CFAP263: variants seen among roughly 807,000 people sequenced by gnomAD.
CFAP263 encodes cilia- and flagella-associated protein 263.
chr16:58,250,524 G>A, the CFAP263 span: 2 of 157,612 alleles, frequency 1.3e-5, no homozygotes, highest in Admixed American at 6.3e-5. Flanking sequence ...CAGCACTTTA[G>A]GAGGCCGAGG....
At chr16:58,268,042 G>GAA in the CFAP263 span, among the ~76,000 whole-genome samples, 2 of 71,342 alleles carry the variant, frequency 2.8e-5, no homozygotes, top group African/African-American at 1.8e-4. Context: ...AGAGAGAGAG[G>GAA]AAGAGAGAGA....
chr16:58,267,879 T>C, the CFAP263 span, among the ~76,000 whole-genome samples: 1 of 152,112 alleles, frequency 6.6e-6, no homozygotes, highest in East Asian at 1.9e-4. Context: ...TAAAGTACAA[T>C]ATTCGATGTT....
the CFAP263 span, among the ~76,000 whole-genome samples, chr16:58,273,206 T>G: frequency 6.6e-6 from 1 of 152,256 alleles, no homozygotes; most frequent in Non-Finnish European, 1.5e-5. Context: ...GCCCTTTGTA[T>G]GTGTAGCTTA....
chr16:58,257,010 A>ATTTTTTT, the CFAP263 span, among the ~76,000 whole-genome samples: 2 of 50,188 alleles, frequency 4.0e-5, no homozygotes, highest in African/African-American at 9.4e-5. Context: ...GCATATATGA[A>ATTTTTTT]TTTCTTTTTT....
At chr16:58,272,932 T>G in the CFAP263 span, among the ~76,000 whole-genome samples, 1 of 152,338 alleles carries the variant, frequency 6.6e-6, no homozygotes, top group African/African-American at 2.4e-5. Context: ...GTGTGTTGAT[T>G]GTTTGCTTTC....
chr16:58,268,043 AAGAG>A, the CFAP263 span, among the ~76,000 whole-genome samples: 17 of 92,242 alleles, frequency 1.8e-4, no homozygotes, highest in African/African-American at 8.1e-4. Flanking sequence ...GAGAGAGAGG[AAGAG>A]AGAGAGAGAG....
the CFAP263 span, chr16:58,262,561 C>T: frequency 1.1e-5 from 17 of 1,579,960 alleles, no homozygotes; most frequent in East Asian, 2.3e-5. Flanking sequence ...CCCTGATACC[C>T]AGGGCTCCCC....
At chr16:58,278,314 G>T in the CFAP263 span, among the ~76,000 whole-genome samples, 1 of 152,098 alleles carries the variant, frequency 6.6e-6, no homozygotes, top group African/African-American at 2.4e-5. Flanking sequence ...ATATGTTTGG[G>T]AAAAAAATCA....
the CFAP263 span, among the ~76,000 whole-genome samples, chr16:58,277,294 C>T: frequency 2.0e-5 from 3 of 151,978 alleles, no homozygotes; most frequent in Non-Finnish European, 4.4e-5. Flanking sequence ...ATGCCCGACT[C>T]AGTTTTGTAT....
chr16:58,279,369 G>C, the CFAP263 span, among the ~76,000 whole-genome samples: 1 of 152,202 alleles, frequency 6.6e-6, no homozygotes, highest in South Asian at 2.1e-4. Context: ...TTTTGCAGCA[G>C]AGAGTAAATT....
chr16:58,277,932 G>A, the CFAP263 span, among the ~76,000 whole-genome samples: 4 of 152,264 alleles, frequency 2.6e-5, 1 homozygote, highest in South Asian at 8.3e-4. Flanking sequence ...GAGGAGGGAA[G>A]GAGGAGTGAT....
the CFAP263 span, among the ~76,000 whole-genome samples, chr16:58,267,029 C>A: frequency 6.6e-6 from 1 of 152,176 alleles, no homozygotes. Context: ...GTAGCACCCA[C>A]CTCATGAGGA....
At chr16:58,260,798 C>T in the CFAP263 span, among the ~76,000 whole-genome samples, 4 of 152,160 alleles carry the variant, frequency 2.6e-5, no homozygotes, top group African/African-American at 9.7e-5. Context: ...GCTTGAGTCA[C>T]TCGGGATCCA....
the CFAP263 span, among the ~76,000 whole-genome samples, chr16:58,277,848 C>T: frequency 0.11 from 16,490 of 152,046 alleles, 1,011 homozygotes; most frequent in Admixed American, 0.13. Flanking sequence ...TGTTTGATTC[C>T]GCTTATATGA....
At chr16:58,255,167 C>CTT in the CFAP263 span, among the ~76,000 whole-genome samples, 1 of 152,184 alleles carries the variant, frequency 6.6e-6, no homozygotes, top group Non-Finnish European at 1.5e-5. Flanking sequence ...CGGTCCGTGG[C>CTT]CGAAGGCCCT....
chr16:58,272,414 A>G, the CFAP263 span, among the ~76,000 whole-genome samples: 1 of 152,204 alleles, frequency 6.6e-6, no homozygotes, highest in South Asian at 2.1e-4. Context: ...CAATGTCATC[A>G]TTGTGTGAAC....
the CFAP263 span, among the ~76,000 whole-genome samples, chr16:58,269,551 C>T: frequency 6.6e-6 from 1 of 152,150 alleles, no homozygotes; most frequent in African/African-American, 2.4e-5. Flanking sequence ...GTGGATTTGC[C>T]TATTCTGGAC....
At chr16:58,280,409 C>CA in the CFAP263 span, 1 of 1,614,204 alleles carries the variant, frequency 6.2e-7, no homozygotes, top group Admixed American at 1.7e-5. Flanking sequence ...TTCTCCCTAA[C>CA]ATCTAGACTA....
the CFAP263 span, chr16:58,250,127 C>T: frequency 1.3e-6 from 2 of 1,543,192 alleles, no homozygotes; most frequent in South Asian, 1.2e-5. Context: ...TACCGCCGCC[C>T]GCGCCTGGGG....
Sources: gnomAD v4.1 joint callset for allele counts (sites outside exome capture counted in the v4.1 genomes callset) on GRCh38, gnomAD v4.1.1 for gene constraint, MANE v1.5 for transcripts, NCBI Gene and HGNC (gene_info 2026-07-23, HGNC 2026-07-21) for gene names.